Variants in TINAG observed in about 807,000 individuals in gnomAD.
TINAG encodes the protein tubulointerstitial nephritis antigen.
TINAG carries 83 observed loss-of-function variants against 72.7 expected under a neutral mutation model. The observed-to-expected ratio is 1.14, with a 90% confidence interval of 0.96 to 1.37. TINAG has a LOEUF of 1.37. Ranked by LOEUF, TINAG falls within the 40% of genes most tolerant of loss-of-function variation. The pLI is 0.00. For synonymous variants in TINAG, 234 were observed against 189.9 expected (o/e 1.23, Z -1.91); for missense variants, 685 against 576.6 (o/e 1.19, Z -1.93).
At chr6:54,365,917 C>A (rs529709855) in intron 9 of TINAG, among the ~76,000 whole-genome samples, 11 of 151,586 alleles carry the variant, frequency 7.3e-5, no homozygotes, top group African/African-American at 2.7e-4. Flanking sequence ...GTAGTACCAG[C>A]TACTTAGGAA....
chr6:54,341,979 A>C, intron 4 of TINAG, among the ~76,000 whole-genome samples: 1 of 152,294 alleles, frequency 6.6e-6, no homozygotes, highest in Middle Eastern at 3.4e-3. Context: ...TCACATAGGA[A>C]TATTGAGAAG....
chr6:54,342,636 G>C (rs1046286683), intron 4 of TINAG, among the ~76,000 whole-genome samples: 1 of 152,072 alleles, frequency 6.6e-6, no homozygotes, highest in African/African-American at 2.4e-5. Flanking sequence ...CCAAAGTGCT[G>C]GGATTACAGG....
chr6:54,358,510 T>C (rs1006562235), intron 9 of TINAG, among the ~76,000 whole-genome samples: 7 of 148,312 alleles, frequency 4.7e-5, no homozygotes, highest in African/African-American at 1.7e-4. Flanking sequence ...CTGTTACTTA[T>C]ATTTACATGG....
chr6:54,363,970 T>C (rs1763323275), intron 9 of TINAG, among the ~76,000 whole-genome samples: 1 of 151,476 alleles, frequency 6.6e-6, no homozygotes, highest in Non-Finnish European at 1.5e-5. Context: ...TTGAAAATGT[T>C]TTGGTGTTTA....
At chr6:54,349,340 A>G (rs1330684063) in intron 6 of TINAG, among the ~76,000 whole-genome samples, 28 of 152,018 alleles carry the variant, frequency 1.8e-4, no homozygotes, top group Admixed American at 1.6e-3. Context: ...TCTGGTTTAT[A>G]TTAAATTTTA....
rs1365790052 is a variant in TINAG, at chr6:54,354,603, G to A, written c.1217G>A (p.Arg406Gln). 6.2e-6 allele frequency: 10 copies of A among 1,610,632 alleles called. No individual in the cohort carries two copies. Among genetic ancestry groups the A allele is most frequent in the South Asian group, 2.2e-5 (2 of 90,886 alleles). ...TSTNKESEKY[R>Q]KLQTHAVKLT... is the part of the protein sequence containing the mutation. ...ACAAATAAAGAATCAGAAAAATATC[G>A]AAAGCTTCAGACACATGCAGTCAAA... Residue 406 changes from arginine to glutamine, a missense_variant, in exon 9 of 11, where the codon CGA becomes CAA. Arg to Gln is a conservative substitution (Grantham distance 43). Coordinates refer to ENST00000259782, the MANE Select transcript of TINAG (RefSeq NM_014464.4).
intron 4 of TINAG, among the ~76,000 whole-genome samples, chr6:54,338,491 G>A (rs1022840698): frequency 1.3e-5 from 2 of 152,022 alleles, no homozygotes; most frequent in South Asian, 2.1e-4. Flanking sequence ...GGAGGCCGAG[G>A]TGGGCGGATC....
chr6:54,354,973 G>A (rs1397859584), intron 9 of TINAG, among the ~76,000 whole-genome samples: 1 of 151,914 alleles, frequency 6.6e-6, no homozygotes, highest in Non-Finnish European at 1.5e-5. Context: ...ATGGTTTGGG[G>A]AGATGGTTTT....
Position 54,351,416 on chromosome 6 carries a change from C to T in TINAG, c.1126+19C>T, listed in dbSNP as rs756420073. The T allele has an allele frequency of 2.0e-5, 32 of 1,606,268 alleles. No homozygotes were observed. Among genetic ancestry groups the T allele is most frequent in the South Asian group, 8.8e-5 (8 of 90,690 alleles). ...GTTCAAGGTAAGCTTGAATGAAATA[C>T]GGTTTTTTCTTACTCATTCCTTTAA... On this transcript the variant is annotated intron_variant, in intron 8 of 10. Transcript: ENST00000259782.
At chr6:54,366,321 C>A (rs751738510) in intron 9 of TINAG, among the ~76,000 whole-genome samples, 2 of 151,130 alleles carry the variant, frequency 1.3e-5, no homozygotes, top group Non-Finnish European at 3.0e-5. Context: ...AGTCTGGTTG[C>A]CTCTTAGGTT....
intron 8 of TINAG, among the ~76,000 whole-genome samples, chr6:54,352,046 A>G (rs914150956): frequency 3.3e-5 from 5 of 151,872 alleles, no homozygotes; most frequent in African/African-American, 7.2e-5. Flanking sequence ...TTTTGCATCA[A>G]TGACCTGAAT....
intron 6 of TINAG, among the ~76,000 whole-genome samples, chr6:54,349,277 A>C (rs1785203439): frequency 6.6e-6 from 1 of 152,024 alleles, no homozygotes; most frequent in Admixed American, 6.6e-5. Context: ...AAAACTTTAA[A>C]GTTACAACTT....
chr6:54,380,399 C>A, intron 9 of TINAG, 127 bp from the exon 10 acceptor site: 1 of 654,972 alleles, frequency 1.5e-6, no homozygotes, highest in Non-Finnish European at 2.5e-6. Flanking sequence ...GTGATATTTC[C>A]ATTGTGAAAC....
chr6:54,379,935 C>T (rs1440505779), intron 9 of TINAG, among the ~76,000 whole-genome samples: 5 of 152,002 alleles, frequency 3.3e-5, no homozygotes, highest in South Asian at 2.1e-4. Context: ...CCCTAGCCCC[C>T]GACCCCCAAA....
chr6:54,310,594 C>T (rs1784221629), intron 1 of TINAG, among the ~76,000 whole-genome samples: 1 of 143,126 alleles, frequency 7.0e-6, no homozygotes, highest in African/African-American at 2.6e-5. Context: ...TTCTTTCTTT[C>T]TTTTCTTTCT....
intron 9 of TINAG, among the ~76,000 whole-genome samples, chr6:54,379,790 T>A (rs951308648): frequency 1.3e-5 from 2 of 152,032 alleles, no homozygotes; most frequent in Non-Finnish European, 1.5e-5. Context: ...TCTTTTTTTT[T>A]AATATTATAC....
At chr6:54,324,659 C>A (rs543928340) in intron 3 of TINAG, among the ~76,000 whole-genome samples, 3 of 152,338 alleles carry the variant, frequency 2.0e-5, no homozygotes, top group Admixed American at 6.5e-5. Context: ...TTCTTAGTCA[C>A]TGGCATCTTG....
chr6:54,313,451 C>T (rs1784303608), intron 1 of TINAG, among the ~76,000 whole-genome samples: 1 of 152,146 alleles, frequency 6.6e-6, no homozygotes, highest in Non-Finnish European at 1.5e-5. Context: ...TCTTGTCTTA[C>T]TGAACATACT....
chr6:54,365,942 C>A (rs1480841541), intron 9 of TINAG, among the ~76,000 whole-genome samples: 1 of 151,446 alleles, frequency 6.6e-6, no homozygotes, highest in Non-Finnish European at 1.5e-5. Context: ...AGGCAAAAAT[C>A]TTGTTTGAGC....
Sources: gnomAD v4.1 joint callset for allele counts (sites outside exome capture counted in the v4.1 genomes callset) on GRCh38, gnomAD v4.1.1 for gene constraint, MANE v1.5 for transcripts, NCBI Gene and HGNC (gene_info 2026-07-23, HGNC 2026-07-21) for gene names.